SPOCK3: variants seen among roughly 807,000 people sequenced by gnomAD.
The protein encoded by SPOCK3 is SPARC (osteonectin), cwcv and kazal like domains proteoglycan 3.
SPOCK3 carries 30 observed loss-of-function variants against 56.6 expected under a neutral mutation model. The ratio of observed to expected loss-of-function variants is 0.53; its 90% confidence interval spans 0.40 to 0.72. The LOEUF is 0.72. Ranked by LOEUF, SPOCK3 falls within the 30% of genes least tolerant of loss-of-function variation. The pLI, the probability that SPOCK3 is intolerant of heterozygous loss-of-function variation, is 0.00. For synonymous variants in SPOCK3, 196 were observed against 183.3 expected (o/e 1.07, Z -0.56); for missense variants, 527 against 530.0 (o/e 0.99, Z 0.06).
At chr4:167,224,538 T>C (rs1305448971) in intron 2 of SPOCK3, among the ~76,000 whole-genome samples, 3 of 152,200 alleles carry the variant, frequency 2.0e-5, no homozygotes, top group Non-Finnish European at 4.4e-5. Flanking sequence ...AAAATAGCCA[T>C]GTATACCAAA....
chr4:167,168,724 G>C (rs558351865), intron 2 of SPOCK3, among the ~76,000 whole-genome samples: 39 of 152,114 alleles, frequency 2.6e-4, no homozygotes, highest in African/African-American at 8.0e-4. Flanking sequence ...AGAAATTTGC[G>C]TAAGTAACAA....
chr4:167,229,470 C>T (rs1736930849), intron 2 of SPOCK3, among the ~76,000 whole-genome samples: 1 of 152,074 alleles, frequency 6.6e-6, no homozygotes, highest in Non-Finnish European at 1.5e-5. Context: ...GTTGTATTTA[C>T]TTTCTAACAA....
At chr4:167,046,450 CTTT>C (rs67108499) in intron 3 of SPOCK3, among the ~76,000 whole-genome samples, 15 of 53,702 alleles carry the variant, frequency 2.8e-4, no homozygotes, top group African/African-American at 7.2e-4. Context: ...TTCTGATATT[CTTT>C]TTTTTTTTTT....
At chr4:166,928,235 C>T (rs1355457613) in intron 4 of SPOCK3, among the ~76,000 whole-genome samples, 3 of 152,120 alleles carry the variant, frequency 2.0e-5, no homozygotes, top group African/African-American at 7.2e-5. Flanking sequence ...GGTATGTACA[C>T]AAAAAGTTGA....
At chr4:166,953,214 C>A (rs527473011) in intron 4 of SPOCK3, among the ~76,000 whole-genome samples, 4,120 of 151,260 alleles carry the variant, frequency 0.027, 166 homozygotes, top group African/African-American at 0.093. Flanking sequence ...CCAGAATCTA[C>A]AATGAACTCA....
At chr4:166,988,516 T>C (rs1747408555) in intron 4 of SPOCK3, among the ~76,000 whole-genome samples, 1 of 152,156 alleles carries the variant, frequency 6.6e-6, no homozygotes, top group Admixed American at 6.6e-5. Context: ...GAATAAAGCA[T>C]ATTCATCTAT....
chr4:166,778,773 C>T (rs1045562966), intron 7 of SPOCK3, among the ~76,000 whole-genome samples: 1 of 151,458 alleles, frequency 6.6e-6, no homozygotes, highest in African/African-American at 2.4e-5. Context: ...ATAGAGTAGG[C>T]AGATTCTTGT....
intron 7 of SPOCK3, among the ~76,000 whole-genome samples, chr4:166,791,267 A>G (rs1344005386): frequency 6.6e-6 from 1 of 152,202 alleles, no homozygotes; most frequent in Non-Finnish European, 1.5e-5. Flanking sequence ...AAAATAAATA[A>G]GGCATTTTAG....
chr4:166,955,523 ATAT>A (rs1293492588), intron 4 of SPOCK3, among the ~76,000 whole-genome samples: 15 of 105,544 alleles, frequency 1.4e-4, no homozygotes, highest in Admixed American at 1.1e-3. Context: ...AAATTATATT[ATAT>A]TATTAAATTT....
chr4:166,850,283 T>C (rs6834387), intron 6 of SPOCK3, among the ~76,000 whole-genome samples: 55,690 of 152,128 alleles, frequency 0.37, 12,626 homozygotes, highest in South Asian at 0.53. Context: ...AGTAGACATA[T>C]GAATGTGTCT....
intron 2 of SPOCK3, among the ~76,000 whole-genome samples, chr4:167,196,640 T>G (rs966041988): frequency 4.6e-5 from 7 of 152,154 alleles, no homozygotes; most frequent in Admixed American, 3.3e-4. Context: ...CCTCATATTT[T>G]GTGCAGCTGC....
chr4:167,068,018 G>T (rs1242567291), intron 2 of SPOCK3, among the ~76,000 whole-genome samples: 1 of 151,576 alleles, frequency 6.6e-6, no homozygotes, highest in Non-Finnish European at 1.5e-5. Context: ...TTTAATGAGT[G>T]ATCTTGTTCA....
At chr4:167,173,071 G>T (rs1427550746) in intron 2 of SPOCK3, among the ~76,000 whole-genome samples, 1 of 152,054 alleles carries the variant, frequency 6.6e-6, no homozygotes, top group East Asian at 1.9e-4. Flanking sequence ...CGAGGCATTT[G>T]CAGTCCAGGA....
At chr4:167,026,066 T>G (rs1483508174) in intron 3 of SPOCK3, among the ~76,000 whole-genome samples, 1 of 152,082 alleles carries the variant, frequency 6.6e-6, no homozygotes, top group Non-Finnish European at 1.5e-5. Context: ...ATGACATCAC[T>G]AGGTGACAGG....
chr4:167,011,565 A>G (rs1750072238), intron 3 of SPOCK3, among the ~76,000 whole-genome samples: 1 of 152,108 alleles, frequency 6.6e-6, no homozygotes, highest in Non-Finnish European at 1.5e-5. Context: ...AACGACAACA[A>G]AAAGTTTCCC....
At chr4:167,087,965 A>C (rs1030342755) in intron 2 of SPOCK3, among the ~76,000 whole-genome samples, 1 of 152,134 alleles carries the variant, frequency 6.6e-6, no homozygotes, top group Admixed American at 6.6e-5. Context: ...GTAGATAAGC[A>C]AACGCTGATA....
At chr4:167,097,847 T>C (rs1759296263) in intron 2 of SPOCK3, among the ~76,000 whole-genome samples, 1 of 152,134 alleles carries the variant, frequency 6.6e-6, no homozygotes, top group South Asian at 2.1e-4. Flanking sequence ...ATATACACTA[T>C]GGAATACCAT....
chr4:167,105,476 A>AC (rs1442395612), intron 2 of SPOCK3, among the ~76,000 whole-genome samples: 1 of 150,632 alleles, frequency 6.6e-6, no homozygotes, highest in Non-Finnish European at 1.5e-5. Context: ...AAAAAAAAAA[A>AC]AAAACGAATC....
At chr4:166,914,861 T>C (rs1737670250) in intron 4 of SPOCK3, among the ~76,000 whole-genome samples, 1 of 152,206 alleles carries the variant, frequency 6.6e-6, no homozygotes, top group Admixed American at 6.5e-5. Flanking sequence ...AAAATAGATT[T>C]TGAAGTAAAA....
Sources: allele counts gnomAD v4.1 joint callset (sites outside exome capture counted in the v4.1 genomes callset), GRCh38; gene constraint gnomAD v4.1.1; transcripts MANE v1.5; gene names NCBI Gene and HGNC (gene_info 2026-07-23, HGNC 2026-07-21).